Variants in BAZ1A observed in about 807,000 individuals in gnomAD.
BAZ1A encodes bromodomain adjacent to zinc finger domain protein 1A.
In BAZ1A, 50 loss-of-function variants were observed where a neutral mutation model predicts 185.2. The ratio of observed to expected loss-of-function variants is 0.27; its 90% CI spans 0.22 to 0.34. The LOEUF is 0.34. Ranked by LOEUF, BAZ1A falls within the 10% of genes least tolerant of loss-of-function variation. The probability of loss-of-function intolerance (pLI) is 1.00; values close to 1 mark genes in which losing one functional copy is unlikely to be tolerated. For missense variants in BAZ1A, 1,356 were observed against 1,839.9 expected, an observed-to-expected ratio of 0.74 and a Z score of 4.81; for synonymous variants, 571 against 615.6, an observed-to-expected ratio of 0.93 and a Z score of 1.07.
rs1225939081 is a variant in BAZ1A at position 34,784,367 on chromosome 14, C to CCAAAAAAAAAAA, written c.1832-441_1832-440insTTTTTTTTTTTG. ...TGGGCAACTGAGTGAGACTCTGTCT[C>CCAAAAAAAAAAA]AAAAAAAAAAAAAAAAAAAAAAAAA... On this transcript the variant is annotated intron_variant, in intron 14 of 26. Coordinates refer to ENST00000360310, the MANE Select transcript of BAZ1A (RefSeq NM_013448.3). 5.7e-4 allele frequency among the ~76,000 whole-genome samples: 44 copies of CCAAAAAAAAAAA among 77,174 alleles called. 4 individuals are homozygous for CCAAAAAAAAAAA. The highest frequency in any genetic ancestry group is 1.2e-3 in the African/African-American group (19 of 16,418). 50.6% of individuals were successfully genotyped at this position (77,174 alleles called of 152,430 possible). A position where few individuals can be genotyped will look rare whatever the true frequency, so the allele number is the denominator to read the frequency against.
intron 3 of BAZ1A, among the ~76,000 whole-genome samples, chr14:34,854,949 C>T (rs1039781918): frequency 3.3e-5 from 5 of 151,916 alleles, no homozygotes; most frequent in East Asian, 1.9e-4. Flanking sequence ...CTTGGTGGTG[C>T]GGGCCTGTAA....
chr14:34,872,608 GTAAA>G (rs1487783475), intron 2 of BAZ1A, among the ~76,000 whole-genome samples: 2 of 152,036 alleles, frequency 1.3e-5, no homozygotes, highest in African/African-American at 4.8e-5. Context: ...CTCAAAATAA[GTAAA>G]TAAATAAAAA....
At chr14:34,766,489 C>G (rs1049757341) in intron 21 of BAZ1A, among the ~76,000 whole-genome samples, 2 of 152,034 alleles carry the variant, frequency 1.3e-5, no homozygotes, top group African/African-American at 4.8e-5. Flanking sequence ...TAGGGCCCAT[C>G]AGGGTGGTTA....
chr14:34,867,594 T>C (rs904149831), intron 2 of BAZ1A, among the ~76,000 whole-genome samples: 8 of 152,256 alleles, frequency 5.3e-5, no homozygotes, highest in Non-Finnish European at 8.8e-5. Flanking sequence ...AGGTTTCTAC[T>C]ATCTCCTACA....
At chr14:34,792,254 C>T (rs898417163) in intron 12 of BAZ1A, among the ~76,000 whole-genome samples, 2 of 151,944 alleles carry the variant, frequency 1.3e-5, no homozygotes, top group African/African-American at 2.4e-5. Flanking sequence ...GGCATGGTGG[C>T]GGGCGTCTGT....
chr14:34,862,643 C>T (rs1343536153), intron 2 of BAZ1A, among the ~76,000 whole-genome samples: 1 of 151,820 alleles, frequency 6.6e-6, no homozygotes, highest in Non-Finnish European at 1.5e-5. Context: ...TAAAGTAGTA[C>T]TTTATATAAT....
chr14:34,783,336 T>A, intron 15 of BAZ1A, 104 bp from the exon 16 acceptor site: 2 of 697,370 alleles, frequency 2.9e-6, no homozygotes, highest in Non-Finnish European at 2.4e-6. Flanking sequence ...CAAACATTAT[T>A]ATAAAACTAT....
intron 14 of BAZ1A, among the ~76,000 whole-genome samples, chr14:34,784,674 C>T (rs142783433): frequency 4.6e-5 from 7 of 151,444 alleles, no homozygotes; most frequent in Non-Finnish European, 7.4e-5. Context: ...CCCGCCACCA[C>T]GCCTAGCTAA....
chr14:34,752,797 TCTGTAAAG>T lies in BAZ1A; in HGVS notation c.*703_*710del, dbSNP rs1886070393. 1 of 152,196 alleles carries T rather than the reference TCTGTAAAG, an allele frequency of 6.6e-6. No individual in the cohort carries two copies. Among genetic ancestry groups the T allele is most frequent in the Non-Finnish European group, 1.5e-5 (1 of 68,042 alleles). The allele number at this position is 152,196 out of a possible 1,614,324, so 9.4% of individuals were successfully genotyped here. A position where few individuals can be genotyped will look rare whatever the true frequency, so the allele number is the denominator to read the frequency against. On this transcript the variant is annotated 3_prime_UTR_variant, in exon 27 of 27. Transcript: ENST00000360310. ...TATACATAGAAACTTATAATACAGT[TCTGTAAAG>T]CTGAAAGAACTGTCAGGAAAAAGGG...
intron 3 of BAZ1A, among the ~76,000 whole-genome samples, chr14:34,858,189 C>T (rs1050763190): frequency 3.3e-5 from 5 of 152,088 alleles, no homozygotes; most frequent in East Asian, 1.9e-4. Context: ...AATGTTGAGG[C>T]GATGACTGAA....
At chr14:34,823,477 T>C (rs2042117481) in intron 4 of BAZ1A, among the ~76,000 whole-genome samples, 1 of 151,986 alleles carries the variant, frequency 6.6e-6, no homozygotes, top group South Asian at 2.1e-4. Flanking sequence ...CTGGCCAACC[T>C]GGAGAAACCT....
intron 2 of BAZ1A, among the ~76,000 whole-genome samples, chr14:34,863,746 A>G (rs757793529): frequency 2.0e-5 from 3 of 152,244 alleles, no homozygotes; most frequent in Non-Finnish European, 4.4e-5. Flanking sequence ...ATGTACTTAT[A>G]TATATACTGT....
At chr14:34,776,615 T>C in intron 17 of BAZ1A, 100 bp from the exon 18 acceptor site, 1 of 951,976 alleles carries the variant, frequency 1.1e-6, no homozygotes, top group South Asian at 1.7e-5. Flanking sequence ...TGTTATGAAC[T>C]AAACTGTATC....
chr14:34,867,768 T>C (rs1300362604), intron 2 of BAZ1A, among the ~76,000 whole-genome samples: 2 of 152,166 alleles, frequency 1.3e-5, no homozygotes, highest in East Asian at 3.8e-4. Context: ...CCCCTACTCA[T>C]AACCCCCTAA....
At chr14:34,753,854 C>G (rs766362946) in intron 26 of BAZ1A, 150 bp from the exon 27 acceptor site, 1 of 632,006 alleles carries the variant, frequency 1.6e-6, no homozygotes, top group East Asian at 3.1e-5. Context: ...CATGGTGGCT[C>G]ACATCTGTAA....
Position 34,874,541 on chromosome 14 carries a change from C to T in BAZ1A, c.64G>A (p.Glu22Lys). ...QKPPADLRPD[E>K]EVFYCKVTNE... ...GTGACTTTACAGTAGAAAACTTCCTCGTCGGGCCGCAGGTCCGCGGGCGGC... is the reference window on the plus strand; with the variant it reads ...GTGACTTTACAGTAGAAAACTTCCTTGTCGGGCCGCAGGTCCGCGGGCGGC... The change falls in exon 2 of 27, where the codon GAG becomes AAG. Residue 22 changes from glutamate (E) to lysine (K), a missense_variant. Glu to Lys is a moderately conservative substitution (Grantham distance 56). Transcript: ENST00000360310. This position sits in a 1 kb window ranked among gnomAD's most constrained non-coding sequence, Gnocchi z 4.7. 8.7e-6 allele frequency: 14 copies of T among 1,611,770 alleles called. No homozygotes were observed. Among genetic ancestry groups the T allele is most frequent in the Non-Finnish European group, 1.2e-5 (14 of 1,178,986 alleles).
In BAZ1A at chr14:34,765,222, C is replaced by T; in HGVS notation, c.3348G>A (p.Trp1116Ter). 1 of 1,614,118 alleles carries T rather than the reference C, an allele frequency of 6.2e-7. No homozygotes were observed. The highest frequency in any genetic ancestry group is 8.5e-7 in the Non-Finnish European group (1 of 1,180,026). ...GRSYKTVLDR[W>*]RESLLSSASL... ...TAGCAGAAGAAAGGAGAGACTCTCT[C>T]CAACGGTCCAGAACTGTTTTATAAG... The change falls in exon 22 of 27, where the codon TGG (tryptophan) becomes TGA (stop). Residue 1116 changes from tryptophan (W) to a stop codon, truncating the protein, a stop_gained. Transcript: ENST00000360310. LOFTEE classifies it high-confidence loss of function.
rs147893534 is a variant in BAZ1A, at chr14:34,781,797, G to A, written c.2111+1322C>T. Among the ~76,000 whole-genome samples, 106 of 152,312 alleles carry A rather than the reference G, an allele frequency of 7.0e-4. 1 individual carries two copies. Among genetic ancestry groups the A allele is most frequent in the Middle Eastern group, 3.4e-3 (1 of 294 alleles). On this transcript the variant is annotated intron_variant, in intron 16 of 26. Transcript: ENST00000360310. ...CAGGCGTGAGCCACCGCAATTGGTC[G>A]TGAGTAGCTTCTTTAGCATATATTT...
At chr14:34,839,025 G>C (rs866707311) in intron 3 of BAZ1A, among the ~76,000 whole-genome samples, 1 of 152,112 alleles carries the variant, frequency 6.6e-6, no homozygotes, top group South Asian at 2.1e-4. Context: ...TTGGTGAAAG[G>C]ATTGCCAAAC....
Sources: gnomAD v4.1 joint callset for allele counts (sites outside exome capture counted in the v4.1 genomes callset) on GRCh38, gnomAD v4.1.1 for gene constraint, Gnocchi (gnomAD v3.1) non-coding constraint, MANE v1.5 for transcripts, NCBI Gene and HGNC (gene_info 2026-07-23, HGNC 2026-07-21) for gene names.